The following RPH3AL variants were observed in gnomAD, a reference collection of about 807,000 sequenced individuals.
RPH3AL encodes rab effector Noc2.
Under a neutral mutation model 43.1 loss-of-function variants are expected in RPH3AL, and 38 were observed. The observed-to-expected ratio is 0.88, with a 90% CI of 0.68 to 1.15. The LOEUF is 1.15. RPH3AL is among the 50% of genes most tolerant of loss of function. The pLI is 0.00. For missense variants in RPH3AL, 462 were observed against 423.2 expected, an observed-to-expected ratio of 1.09 and a Z score of -0.81; for synonymous variants, 189 against 176.3, an observed-to-expected ratio of 1.07 and a Z score of -0.57.
At chr17:318,750 A>T (rs2044374161) in intron 5 of RPH3AL, among the ~76,000 whole-genome samples, 1 of 152,244 alleles carries the variant, frequency 6.6e-6, no homozygotes. Context: ...ACTCAATGCG[A>T]AACAATTTAA....
In RPH3AL at chr17:238,337, AAG is replaced by A. The variant is rs376233117; in HGVS notation, c.613+8772_613+8773del. ...CCAGAAAGAGAGAGAGAAAGAGAAA[AAG>A]AGAGAGAGAGAAAAGAAAAGAAACG... On this transcript the variant is annotated intron_variant, in intron 7 of 9. Transcript: ENST00000331302. Among the ~76,000 whole-genome samples the A allele has an allele frequency of 3.8e-3, 575 of 152,068 alleles. 3 individuals are homozygous for A. Among genetic ancestry groups the A allele is most frequent in the African/African-American group, 0.013 (550 of 41,490 alleles).
At chr17:321,199 G>C in intron 4 of RPH3AL, 73 bp downstream of exon 4, 2 of 1,519,374 alleles carry the variant, frequency 1.3e-6, no homozygotes, top group Non-Finnish European at 1.8e-6. Flanking sequence ...CGGAGTGCCG[G>C]CCTCCCAGTC....
chr17:270,743 A>G (rs998964649), intron 6 of RPH3AL, among the ~76,000 whole-genome samples: 10 of 151,950 alleles, frequency 6.6e-5, no homozygotes, highest in African/African-American at 2.4e-4. Flanking sequence ...CACTTTGATC[A>G]TAGTTTCCTT....
intron 6 of RPH3AL, among the ~76,000 whole-genome samples, chr17:250,907 G>A (rs2041888141): frequency 2.0e-5 from 3 of 152,126 alleles, no homozygotes; most frequent in African/African-American, 4.8e-5. Context: ...AAGCGCCATC[G>A]CTGCAGGACC....
At chr17:332,215 C>T (rs912936407) in intron 2 of RPH3AL, 81 of 308,414 alleles carry the variant, frequency 2.6e-4, no homozygotes, top group African/African-American at 1.7e-3. Flanking sequence ...ACGTGATCCC[C>T]AGGGCCAGGT....
chr17:307,498 A>G (rs1418958563), intron 5 of RPH3AL, among the ~76,000 whole-genome samples: 4 of 152,026 alleles, frequency 2.6e-5, no homozygotes, highest in Non-Finnish European at 5.9e-5. Context: ...CACTCCTCAC[A>G]CTGCACTGCA....
At chr17:317,184 C>T (rs1482383300) in intron 5 of RPH3AL, among the ~76,000 whole-genome samples, 1 of 150,968 alleles carries the variant, frequency 6.6e-6, no homozygotes, top group African/African-American at 2.4e-5. Context: ...GCTCCACCTC[C>T]ATTGACCTGT....
Position 223,068 on chromosome 17 carries a change from T to C in RPH3AL, c.614-3332A>G, listed in dbSNP as rs188616512. On this transcript the variant is annotated intron_variant, in intron 7 of 9. Coordinates refer to ENST00000331302, the MANE Select transcript of RPH3AL (RefSeq NM_006987.4). ...AGCTTGGCGTTGTGATGGGCACGTG[T>C]ACTCCCAGCTACTCGGGAGGCTGAG... 1.3e-3 allele frequency among the ~76,000 whole-genome samples: 197 copies of C among 152,124 alleles called. 1 individual carries two copies. The highest frequency in any genetic ancestry group is 2.1e-3 in the Non-Finnish European group (140 of 68,016).
intron 6 of RPH3AL, among the ~76,000 whole-genome samples, chr17:280,697 G>A (rs2042759668): frequency 6.6e-6 from 1 of 152,196 alleles, no homozygotes; most frequent in African/African-American, 2.4e-5. Flanking sequence ...GAAAGACTTA[G>A]TGACTTGGAA....
At chr17:216,575 A>AG (rs901549070) in intron 8 of RPH3AL, among the ~76,000 whole-genome samples, 23 of 151,278 alleles carry the variant, frequency 1.5e-4, no homozygotes, top group African/African-American at 4.6e-4. Context: ...GTGGGTGTGG[A>AG]GCGAGGGGAC....
At chr17:214,581 C>T (rs1283755603) in intron 9 of RPH3AL, 1 of 152,456 alleles carries the variant, frequency 6.6e-6, no homozygotes, top group African/African-American at 2.4e-5. Flanking sequence ...GCCTGGGCAA[C>T]ATAGGGAGAC....
intron 6 of RPH3AL, among the ~76,000 whole-genome samples, chr17:277,761 G>A (rs1231575892): frequency 6.6e-6 from 1 of 152,058 alleles, no homozygotes; most frequent in Non-Finnish European, 1.5e-5. Flanking sequence ...TTTGAGACCA[G>A]CCTGGGCAAC....
At position 309,777 on chromosome 17, in the gene RPH3AL, C is replaced by T. The variant is rs1163774762; in HGVS notation, c.351+9643G>A. 1.2e-3 allele frequency among the ~76,000 whole-genome samples: 183 copies of T among 151,110 alleles called. 1 individual carries two copies. The highest frequency in any genetic ancestry group is 4.4e-3 in the African/African-American group (179 of 41,086). ...CCCAGGCTCCTGCCAGCCCCCCTGCCAGGGGTCCGGGATGACTCTCAGCAG... is the reference window on the plus strand; with the variant it reads ...CCCAGGCTCCTGCCAGCCCCCCTGCTAGGGGTCCGGGATGACTCTCAGCAG... On this transcript the variant is annotated intron_variant, in intron 5 of 9. Coordinates refer to ENST00000331302, the MANE Select transcript of RPH3AL (RefSeq NM_006987.4).
At chr17:236,912 G>C (rs1470528983) in intron 7 of RPH3AL, among the ~76,000 whole-genome samples, 1 of 152,266 alleles carries the variant, frequency 6.6e-6, no homozygotes, top group African/African-American at 2.4e-5. Context: ...CTTGGGCACA[G>C]CCTGGCCGCC....
intron 1 of RPH3AL, among the ~76,000 whole-genome samples, chr17:336,256 C>T (rs530241446): frequency 6.6e-5 from 10 of 152,290 alleles, no homozygotes; most frequent in East Asian, 3.9e-4. Flanking sequence ...TGAGCCCAGA[C>T]GTCAACATTT....
At chr17:286,057 G>A (rs936926797) in intron 5 of RPH3AL, among the ~76,000 whole-genome samples, 1 of 152,222 alleles carries the variant, frequency 6.6e-6, no homozygotes, top group Non-Finnish European at 1.5e-5. Flanking sequence ...TGCTGGGGGG[G>A]TGCTCGGCTG....
chr17:243,380 TATTG>T (rs1317090672), intron 7 of RPH3AL, among the ~76,000 whole-genome samples: 3 of 143,792 alleles, frequency 2.1e-5, no homozygotes, highest in African/African-American at 7.8e-5. Context: ...ACCCTTCCTC[TATTG>T]ATTACCTTCC....
chr17:293,781 C>T (rs2043103174), intron 5 of RPH3AL, among the ~76,000 whole-genome samples: 1 of 151,932 alleles, frequency 6.6e-6, no homozygotes. Flanking sequence ...GTAATCCCAG[C>T]AATTTGGGAG....
chr17:351,787 C>T (rs181761998), intron 1 of RPH3AL, among the ~76,000 whole-genome samples: 14 of 152,114 alleles, frequency 9.2e-5, no homozygotes, highest in Admixed American at 7.8e-4. Context: ...CCATATGCCA[C>T]AAATAGAAGG....
Sources: allele counts gnomAD v4.1 joint callset (sites outside exome capture counted in the v4.1 genomes callset), GRCh38; gene constraint gnomAD v4.1.1; transcripts MANE v1.5; gene names NCBI Gene and HGNC (gene_info 2026-07-23, HGNC 2026-07-21).